The following TRPC4AP variants were observed in gnomAD, a reference collection of about 807,000 sequenced individuals.
TRPC4AP encodes transient receptor potential cation channel subfamily C member 4 associated protein.
Under a neutral mutation model 99.0 loss-of-function variants are expected in TRPC4AP, and 45 were observed. The observed-to-expected ratio is 0.45, with a 90% CI of 0.36 to 0.58. The LOEUF (loss-of-function observed/expected upper bound fraction) is 0.58. Among genes scored for constraint, TRPC4AP ranks in the 20% least tolerant of loss-of-function variants. The pLI is 0.00. For synonymous variants in TRPC4AP, 408 were observed against 385.8 expected (o/e 1.06, Z -0.67); for missense variants, 879 against 985.3 (o/e 0.89, Z 1.44).
intron 3 of TRPC4AP, among the ~76,000 whole-genome samples, chr20:35,069,043 G>A (rs2084232469): frequency 6.6e-6 from 1 of 151,712 alleles, no homozygotes; most frequent in Admixed American, 6.6e-5. Context: ...GTTCTGAGGA[G>A]GGGACACTGG....
At chr20:35,092,253 C>A (rs1038483855) in intron 1 of TRPC4AP, among the ~76,000 whole-genome samples, 1 of 152,144 alleles carries the variant, frequency 6.6e-6, no homozygotes, top group East Asian at 1.9e-4. Context: ...CCCTCCCCCA[C>A]GCCCAATACA....
chr20:35,066,454 G>C (rs775333700), intron 3 of TRPC4AP, among the ~76,000 whole-genome samples: 1 of 151,970 alleles, frequency 6.6e-6, no homozygotes. Flanking sequence ...CACCATTCCT[G>C]TACAATCGCC....
chr20:35,075,434 C>T (rs1017612117), intron 2 of TRPC4AP, among the ~76,000 whole-genome samples: 1 of 152,166 alleles, frequency 6.6e-6, no homozygotes, highest in Admixed American at 6.5e-5. Context: ...CCTTCAGGAG[C>T]TCTTGTAAGG....
chr20:35,015,656 A>G (rs2082737940), intron 10 of TRPC4AP, among the ~76,000 whole-genome samples: 1 of 151,320 alleles, frequency 6.6e-6, no homozygotes, highest in Admixed American at 6.6e-5. Context: ...GAGAGACGCA[A>G]GTGTCTCTCA....
intron 1 of TRPC4AP, among the ~76,000 whole-genome samples, chr20:35,086,302 GGGTTATT>G: frequency 6.6e-6 from 1 of 151,778 alleles, no homozygotes; most frequent in Non-Finnish European, 1.5e-5. Context: ...ATACCTTGTT[GGGTTATT>G]CTGACAATAC....
At chr20:35,013,097 A>C (rs751935186) in intron 10 of TRPC4AP, 31 bp from the exon 11 acceptor site, 2 of 1,611,840 alleles carry the variant, frequency 1.2e-6, no homozygotes, top group Non-Finnish European at 8.5e-7. Flanking sequence ...CAATGTTAGG[A>C]CCACAGCCAC....
chr20:35,090,167 G>A (rs191545144), intron 1 of TRPC4AP, among the ~76,000 whole-genome samples: 287 of 125,498 alleles, frequency 2.3e-3, no homozygotes, highest in Non-Finnish European at 3.5e-3. Context: ...GAAGGGCACA[G>A]CATGGAATAA....
chr20:35,076,949 A>G lies in TRPC4AP; in HGVS notation c.297+1097T>C, dbSNP rs144348832. 4.2e-3 allele frequency among the ~76,000 whole-genome samples: 632 copies of G among 152,190 alleles called. 3 individuals are homozygous for G. Among genetic ancestry groups the G allele is most frequent in the African/African-American group, 0.015 (606 of 41,536 alleles). On this transcript the variant is annotated intron_variant, in intron 2 of 18. Transcript: ENST00000252015. ...TCCCGGCCGCTTTGTTTACCTACGC[A>G]AGTCTCAGCAGTTGTGGACACCCCT... is the stretch of plus-strand genomic sequence containing the variant.
In TRPC4AP at chr20:35,002,413, A is replaced by AAATAAAGTTATTT. The variant is rs2082411602; in HGVS notation, c.*720_*732dup. On this transcript the variant is annotated 3_prime_UTR_variant, in exon 19 of 19. Transcript: ENST00000252015. ...GCCAGGTCCACAGCAGTCATTTTTA[A>AAATAAAGTTATTT]AATAAAGTTATTTAATAGTCTCCAT... is the stretch of plus-strand genomic sequence containing the variant. 2.4e-6 allele frequency: 1 copy of AAATAAAGTTATTT among 425,528 alleles called. No individual in the cohort carries two copies. Among genetic ancestry groups the AAATAAAGTTATTT allele is most frequent in the Non-Finnish European group, 4.1e-6 (1 of 244,904 alleles). The allele number at this position is 425,528 out of a possible 1,614,324, so 26.4% of individuals were successfully genotyped here.
At chr20:35,018,801 C>T (rs1195156821) in intron 9 of TRPC4AP, among the ~76,000 whole-genome samples, 2 of 152,054 alleles carry the variant, frequency 1.3e-5, no homozygotes, top group Non-Finnish European at 2.9e-5. Flanking sequence ...GGTACAGGCT[C>T]AGGCATTTAT....
intron 6 of TRPC4AP, among the ~76,000 whole-genome samples, chr20:35,047,797 C>T (rs1413610945): frequency 6.6e-6 from 1 of 152,142 alleles, no homozygotes; most frequent in Non-Finnish European, 1.5e-5. Flanking sequence ...GGTTTCAATC[C>T]TAAGAATCAC....
intron 2 of TRPC4AP, among the ~76,000 whole-genome samples, chr20:35,072,926 T>G (rs2084359579): frequency 6.6e-6 from 1 of 152,240 alleles, no homozygotes; most frequent in South Asian, 2.1e-4. Flanking sequence ...CATGGGATGT[T>G]CTTCCATTTG....
At chr20:35,086,266 A>G (rs1433421775) in intron 1 of TRPC4AP, among the ~76,000 whole-genome samples, 6 of 151,926 alleles carry the variant, frequency 3.9e-5, no homozygotes, top group African/African-American at 7.3e-5. Context: ...GCCTAAATAG[A>G]TATCTTAAAG....
At chr20:35,091,133 C>A (rs1298353497) in intron 1 of TRPC4AP, among the ~76,000 whole-genome samples, 10 of 151,724 alleles carry the variant, frequency 6.6e-5, no homozygotes, top group Non-Finnish European at 1.2e-4. Context: ...TCAGCCTCCC[C>A]ACAGGCACAC....
rs760616684 is a variant in TRPC4AP, at chr20:35,092,789, C to G, written c.-8G>C. ...TACCGGCGCCGCCGCCATGTCTCCT[C>G]GTCGGACAAACAGGAAGCAAGCGGC... On this transcript the variant is annotated 5_prime_UTR_variant, in exon 1 of 19. Coordinates refer to ENST00000252015, the MANE Select transcript of TRPC4AP (RefSeq NM_015638.3). The G allele has an allele frequency of 6.6e-7, 1 of 1,526,524 alleles. No homozygotes were observed. The highest frequency in any genetic ancestry group is 1.4e-5 in the African/African-American group (1 of 69,596). The allele number at this position is 1,526,524 out of a possible 1,614,324, so 94.6% of individuals were successfully genotyped here.
chr20:35,045,434 C>T (rs548718819), intron 6 of TRPC4AP, among the ~76,000 whole-genome samples: 36 of 152,304 alleles, frequency 2.4e-4, no homozygotes, highest in African/African-American at 8.7e-4. Flanking sequence ...GCAGTAGTGT[C>T]ATCATAGCTT....
intron 1 of TRPC4AP, among the ~76,000 whole-genome samples, chr20:35,086,318 A>T (rs958486239): frequency 1.3e-5 from 2 of 151,910 alleles, no homozygotes; most frequent in African/African-American, 4.8e-5. Context: ...TTCTGACAAT[A>T]CATGTTAACC....
chr20:35,073,101 C>T (rs1036222507), intron 2 of TRPC4AP, among the ~76,000 whole-genome samples: 1 of 152,154 alleles, frequency 6.6e-6, no homozygotes, highest in African/African-American at 2.4e-5. Flanking sequence ...TATAGGAATG[C>T]TTGCGACTTT....
chr20:35,025,585 G>A (rs2083009216), intron 8 of TRPC4AP, among the ~76,000 whole-genome samples: 1 of 152,018 alleles, frequency 6.6e-6, no homozygotes, highest in South Asian at 2.1e-4. Flanking sequence ...CAGATCCTTT[G>A]TCTATATTTT....
Sources: gnomAD v4.1 joint callset for allele counts (sites outside exome capture counted in the v4.1 genomes callset) on GRCh38, gnomAD v4.1.1 for gene constraint, MANE v1.5 for transcripts, NCBI Gene and HGNC (gene_info 2026-07-23, HGNC 2026-07-21) for gene names.